SPHKAP: variants seen among roughly 807,000 people sequenced by gnomAD.
SPHKAP encodes the protein A-kinase anchor protein SPHKAP.
In SPHKAP, 67 loss-of-function variants were observed where a neutral mutation model predicts 137.5. That is an observed-to-expected ratio of 0.49 (90% CI 0.40 to 0.60). The LOEUF (loss-of-function observed/expected upper bound fraction) is 0.60, where lower values mean the gene tolerates loss of function less well. Ranked by LOEUF, SPHKAP falls within the 20% of genes least tolerant of loss-of-function variation. The pLI is 0.00. For synonymous variants in SPHKAP, 813 were observed against 785.3 expected, an observed-to-expected ratio of 1.04 and a Z score of -0.59; for missense variants, 2,097 against 2,069.3, an observed-to-expected ratio of 1.01 and a Z score of -0.26.
chr2:227,997,206 T>C (rs1388530491), intron 7 of SPHKAP, among the ~76,000 whole-genome samples: 2 of 152,220 alleles, frequency 1.3e-5, no homozygotes, highest in Non-Finnish European at 2.9e-5. Context: ...TTATCAAGTT[T>C]CATGTGCCTC....
rs1034327076 is a variant in SPHKAP, at chr2:228,173,061, A to T, written c.32+8506T>A. Reference sequence around the variant, plus strand: ...TGAATTTGGTAGGGTTTCCAGGTCCATCCTGATCTGGTTTTATGTTCTTGA... The same window carrying T: ...TGAATTTGGTAGGGTTTCCAGGTCCTTCCTGATCTGGTTTTATGTTCTTGA... On this transcript the variant is annotated intron_variant, in intron 1 of 11. Transcript: ENST00000392056. 3.0e-6 allele frequency: 3 copies of T among 985,308 alleles called. No homozygotes were observed. In the South Asian group the frequency reaches 1.4e-4, roughly 46 times the overall value. The allele number at this position is 985,308 out of a possible 1,614,324, so 61.0% of individuals were successfully genotyped here. A position where few individuals can be genotyped will look rare whatever the true frequency, so the allele number is the denominator to read the frequency against.
At chr2:228,094,290 T>C (rs1697912841) in intron 3 of SPHKAP, among the ~76,000 whole-genome samples, 1 of 152,220 alleles carries the variant, frequency 6.6e-6, no homozygotes, top group Non-Finnish European at 1.5e-5. Context: ...GCTTTACTAC[T>C]AATTTACTCT....
At chr2:228,165,935 G>T (rs534355387) in intron 1 of SPHKAP, among the ~76,000 whole-genome samples, 2 of 152,276 alleles carry the variant, frequency 1.3e-5, no homozygotes, top group African/African-American at 4.8e-5. Context: ...TAATCAACTG[G>T]AATGGCAAAC....
chr2:228,167,361 C>T (rs899269181), intron 1 of SPHKAP, among the ~76,000 whole-genome samples: 33 of 152,180 alleles, frequency 2.2e-4, no homozygotes, highest in Middle Eastern at 3.4e-3. Flanking sequence ...ATCAGATCAC[C>T]GATCTACTGA....
At chr2:228,137,953 G>T (rs1699486526) in intron 1 of SPHKAP, among the ~76,000 whole-genome samples, 1 of 152,170 alleles carries the variant, frequency 6.6e-6, no homozygotes, top group African/African-American at 2.4e-5. Context: ...TGAGATGTTA[G>T]TGTCTCCTAT....
At position 228,096,759 on chromosome 2, in the gene SPHKAP, A is replaced by G. The variant is rs187459185; in HGVS notation, c.246+12073T>C. 5.3e-4 allele frequency among the ~76,000 whole-genome samples: 81 copies of G among 152,164 alleles called. 3 individuals are homozygous for G. In the East Asian group the frequency reaches 0.014, roughly 25 times the overall value. On this transcript the variant is annotated intron_variant, in intron 3 of 11. Transcript: ENST00000392056. ...GAAAGCAGTCTCTGGTCTATAAAGA[A>G]GTGTAATATGTAAGTTTGCAAAGAC...
At chr2:228,111,141 T>G (rs1045169324) in intron 2 of SPHKAP, among the ~76,000 whole-genome samples, 1 of 152,182 alleles carries the variant, frequency 6.6e-6, no homozygotes, top group African/African-American at 2.4e-5. Context: ...CTAAATCCAC[T>G]TCACTTTATG....
At position 227,981,697 on chromosome 2, in the gene SPHKAP, C is replaced by T; in HGVS notation, c.*20G>A. On this transcript the variant is annotated 3_prime_UTR_variant, in exon 12 of 12. Coordinates refer to ENST00000392056, the MANE Select transcript of SPHKAP (RefSeq NM_001142644.2). ...AGTTGGAATAAAGGGAAGGAATGATCTATACGGCAGACTGCCTTATTATCC... is the reference window on the plus strand; with the variant it reads ...AGTTGGAATAAAGGGAAGGAATGATTTATACGGCAGACTGCCTTATTATCC... The T allele has an allele frequency of 1.2e-6, 2 of 1,605,780 alleles. No individual in the cohort carries two copies. Among genetic ancestry groups the T allele is most frequent in the Non-Finnish European group, 1.7e-6 (2 of 1,176,812 alleles).
In SPHKAP at chr2:228,017,462, C is replaced by G. The variant is rs370968739; in HGVS notation, c.3392G>C (p.Arg1131Thr). 30 of 1,613,852 alleles carry G rather than the reference C, an allele frequency of 1.9e-5. No individual in the cohort carries two copies. Among genetic ancestry groups the G allele is most frequent in the Non-Finnish European group, 2.4e-5 (28 of 1,180,024 alleles). The change falls in exon 7 of 12, where the codon AGG becomes ACG. Residue 1131 changes from arginine (R) to threonine (T), a missense_variant. Coordinates refer to ENST00000392056, the MANE Select transcript of SPHKAP (RefSeq NM_001142644.2). The part of the protein sequence containing the change: ...SCESITDEFS[R>T]FMVNQMENEG... The stretch of plus-strand genomic sequence containing the variant: ...ATTTTCCATCTGGTTCACCATGAAC[C>G]TGGAAAACTCATCGGTGATGCTCTC...
intron 2 of SPHKAP, among the ~76,000 whole-genome samples, chr2:228,115,818 C>T (rs2106356808): frequency 6.6e-6 from 1 of 152,210 alleles, no homozygotes; most frequent in South Asian, 2.1e-4. Context: ...GTCTTCCTCT[C>T]TCCCCACCCA....
chr2:228,064,962 G>A (rs1400860682), intron 3 of SPHKAP, among the ~76,000 whole-genome samples: 1 of 152,092 alleles, frequency 6.6e-6, no homozygotes, highest in Non-Finnish European at 1.5e-5. Flanking sequence ...TGAAGGATGG[G>A]GTACATTATT....
At chr2:228,093,859 C>CAAAAAAAAAAAAAAAAAAAAA (rs11336381) in intron 3 of SPHKAP, among the ~76,000 whole-genome samples, 1 of 77,110 alleles carries the variant, frequency 1.3e-5, no homozygotes, top group African/African-American at 5.1e-5. Flanking sequence ...GACTCCGTTT[C>CAAAAAAAAAAAAAAAAAAAAA]AAAAAAAAAA....
intron 1 of SPHKAP, among the ~76,000 whole-genome samples, chr2:228,155,948 T>C (rs1700096187): frequency 6.6e-6 from 1 of 152,184 alleles, no homozygotes; most frequent in South Asian, 2.1e-4. Flanking sequence ...GGGAGAAATC[T>C]CAGCAGGTCA....
In SPHKAP at chr2:228,019,272, A is replaced by C. The variant is rs773756546; in HGVS notation, c.1582T>G (p.Phe528Val). 1.2e-6 allele frequency: 2 copies of C among 1,613,866 alleles called. No homozygotes were observed. The highest frequency in any genetic ancestry group is 4.5e-5 in the East Asian group (2 of 44,886). ...AGTGCACCACTGCTCCCTGGGGGAA[A>C]GTTCGAGACCACTTGCTCCATTTTG... is the stretch of plus-strand genomic sequence containing the variant. ...RLKMEQVVSN[F>V]PPGSSGALQT... Residue 528 changes from phenylalanine to valine, a missense_variant, in exon 7 of 12, where the codon TTT becomes GTT. Phe to Val is a conservative substitution (Grantham distance 50). Coordinates refer to ENST00000392056, the MANE Select transcript of SPHKAP (RefSeq NM_001142644.2).
chr2:228,043,393 C>A (rs1450481621), intron 3 of SPHKAP, among the ~76,000 whole-genome samples: 1 of 152,220 alleles, frequency 6.6e-6, no homozygotes, highest in Non-Finnish European at 1.5e-5. Context: ...GTGGCACGAT[C>A]TCGGCTTACT....
intron 3 of SPHKAP, among the ~76,000 whole-genome samples, chr2:228,054,460 A>T (rs10182861): frequency 0.38 from 58,104 of 151,940 alleles, 11,566 homozygotes; most frequent in South Asian, 0.5. Flanking sequence ...GAAGTATAGA[A>T]TAACATTTTG....
chr2:228,169,761 T>C (rs761084396), intron 1 of SPHKAP: 19 of 152,064 alleles, frequency 1.2e-4, no homozygotes, highest in Non-Finnish European at 1.9e-4. Flanking sequence ...TTACACAGCA[T>C]GTTTATTAAA....
At chr2:228,151,471 T>A (rs1699927979) in intron 1 of SPHKAP, among the ~76,000 whole-genome samples, 1 of 152,138 alleles carries the variant, frequency 6.6e-6, no homozygotes, top group African/African-American at 2.4e-5. Flanking sequence ...CTGGGTCAAA[T>A]GGTATTTCTA....
At chr2:228,153,184 CA>C (rs1699991197) in intron 1 of SPHKAP, among the ~76,000 whole-genome samples, 1 of 152,162 alleles carries the variant, frequency 6.6e-6, no homozygotes, top group African/African-American at 2.4e-5. Flanking sequence ...TCTTTATCAG[CA>C]GTGTGAAAAC....
Sources: allele counts gnomAD v4.1 joint callset (sites outside exome capture counted in the v4.1 genomes callset), GRCh38; gene constraint gnomAD v4.1.1; transcripts MANE v1.5; gene names NCBI Gene and HGNC (gene_info 2026-07-23, HGNC 2026-07-21).